The following HOXA3 variants were observed in gnomAD, a reference collection of about 807,000 sequenced individuals.
HOXA3 encodes the protein homeobox protein Hox-A3.
In HOXA3, 8 loss-of-function variants were observed where a neutral mutation model predicts 30.3. That is an observed-to-expected ratio of 0.26 (90% CI 0.15 to 0.48). HOXA3 has a LOEUF of 0.48. Ranked by LOEUF, HOXA3 falls within the 20% of genes least tolerant of loss-of-function variation. The pLI, the probability that HOXA3 is intolerant of heterozygous loss-of-function variation, is 0.99. For synonymous variants in HOXA3, 323 were observed against 273.1 expected (o/e 1.18, Z -1.80); for missense variants, 653 against 614.4 (o/e 1.06, Z -0.66).
In HOXA3 at chr7:27,110,119, G is replaced by T; in HGVS notation, c.522C>A (p.Ser174Arg). 1 of 1,614,210 alleles carries T rather than the reference G, an allele frequency of 6.2e-7. No individual in the cohort carries two copies. Among genetic ancestry groups the T allele is most frequent in the Non-Finnish European group, 8.5e-7 (1 of 1,180,042 alleles). ...TTCCAGAAGGCACTCCTTTACCTGA[G>T]CTGGAGCTGCTGGTTTTCTGCTTTG... The part of the protein sequence containing the change: ...QNTKQKTSSS[S>R]SGESCAGDKS... Residue 174 changes from serine to arginine, a missense_variant, in exon 5 of 6, where the codon AGC (serine) becomes AGA (arginine). Physicochemically the swap from Ser to Arg is moderately radical, Grantham distance 110. This residue lies in a region of HOXA3 where 320 missense variants were observed against 321.9 expected (regional missense o/e 0.99). Coordinates refer to ENST00000612286, the MANE Select transcript of HOXA3 (RefSeq NM_153631.3).
At chr7:27,127,989 TAAGAAC>T (rs1016898776) in intron 2 of HOXA3, among the ~76,000 whole-genome samples, 8 of 152,186 alleles carry the variant, frequency 5.3e-5, no homozygotes, top group African/African-American at 1.9e-4. Context: ...AAGAGGACCT[TAAGAAC>T]AGCCAGGAAA....
In HOXA3 at chr7:27,110,768, G is replaced by A. The variant is rs1273592663; in HGVS notation, c.-120-8C>T. ...TGGCCGCCCCGCGCAGACCTGGTGG[G>A]GCGAGAAGCGCAGCGCGGTGAGGGC... On this transcript the variant is annotated splice_polypyrimidine_tract_variant and splice_region_variant and intron_variant, in intron 4 of 5. Coordinates refer to ENST00000612286, the MANE Select transcript of HOXA3 (RefSeq NM_153631.3). The A allele has an allele frequency of 1.1e-5, 16 of 1,453,664 alleles. No individual in the cohort carries two copies. In the African/African-American group the frequency reaches 1.1e-4, roughly 10 times the overall value. The allele number at this position is 1,453,664 out of a possible 1,614,324, so 90.0% of individuals were successfully genotyped here. A position where few individuals can be genotyped will look rare whatever the true frequency, so the allele number is the denominator to read the frequency against.
At chr7:27,120,238 GA>G (rs1187501999) in intron 4 of HOXA3, among the ~76,000 whole-genome samples, 1 of 152,094 alleles carries the variant, frequency 6.6e-6, no homozygotes. Context: ...TCGAGCAAAT[GA>G]AAACTCTTAA....
intron 3 of HOXA3, among the ~76,000 whole-genome samples, chr7:27,124,863 G>A (rs1157828506): frequency 6.6e-6 from 1 of 152,164 alleles, no homozygotes; most frequent in Non-Finnish European, 1.5e-5. Context: ...AAATAGCAGG[G>A]CAAGCATGAC....
intron 2 of HOXA3, among the ~76,000 whole-genome samples, chr7:27,130,997 G>T (rs572506592): frequency 1.3e-5 from 2 of 152,096 alleles, no homozygotes; most frequent in Non-Finnish European, 2.9e-5. Flanking sequence ...GCGCGGACCC[G>T]GATCAGGAAA....
At chr7:27,133,845 T>C (rs1785635317) in intron 2 of HOXA3, among the ~76,000 whole-genome samples, 1 of 152,212 alleles carries the variant, frequency 6.6e-6, no homozygotes, top group Admixed American at 6.5e-5. Flanking sequence ...TTGACAGTCT[T>C]TGTTAAATCA....
At chr7:27,129,517 C>A (rs1249638829) in intron 2 of HOXA3, 15 of 1,614,068 alleles carry the variant, frequency 9.3e-6, no homozygotes, top group Non-Finnish European at 1.3e-5. Flanking sequence ...GACCTGCTGC[C>A]GGGTGTAGGC....
At chr7:27,144,164 T>A (rs1314526834) in intron 1 of HOXA3, among the ~76,000 whole-genome samples, 1 of 152,226 alleles carries the variant, frequency 6.6e-6, no homozygotes, top group Non-Finnish European at 1.5e-5. Context: ...CAGCCCCTCT[T>A]ATTTTTGTGT....
chr7:27,142,200 CT>C, intron 1 of HOXA3: 1 of 1,159,336 alleles, frequency 8.6e-7, no homozygotes, highest in South Asian at 1.6e-5. Flanking sequence ...CAAGTTCTGC[CT>C]ACCAGCCCGC....
intron 1 of HOXA3, chr7:27,150,236 C>G (rs767051253): frequency 1.3e-5 from 2 of 152,156 alleles, no homozygotes; most frequent in Non-Finnish European, 2.9e-5. Context: ...AAGGGCCTCT[C>G]CTGCGATGGT....
At position 27,145,809 on chromosome 7, in the gene HOXA3, C is replaced by T; in HGVS notation, c.-493-5623G>A. ...GAGCGCGTTGGCGATCTCGATGCGG[C>T]GGCGCCGTGTCAGGTAGCGGTTGAA... On this transcript the variant is annotated intron_variant, in intron 1 of 5. Coordinates refer to ENST00000612286, the MANE Select transcript of HOXA3 (RefSeq NM_153631.3). 7 of 1,614,240 alleles carry T rather than the reference C, an allele frequency of 4.3e-6. No individual in the cohort carries two copies. In the East Asian group the frequency reaches 6.7e-5, roughly 15 times the overall value.
intron 4 of HOXA3, chr7:27,121,852 A>T (rs1286423582): frequency 6.6e-6 from 1 of 152,658 alleles, no homozygotes; most frequent in Non-Finnish European, 1.5e-5. Context: ...CTGCATCCCA[A>T]ACTAAGAGGA....
Position 27,108,353 on chromosome 7 carries a change from G to T in HOXA3, c.894C>A (p.Ser298=). The change falls in exon 6 of 6, where the codon TCC becomes TCA. Residue 298 remains serine, a synonymous_variant. Coordinates refer to ENST00000612286, the MANE Select transcript of HOXA3 (RefSeq NM_153631.3). This position sits in a 1 kb window ranked among gnomAD's most constrained non-coding sequence, Gnocchi z 5.0. ...PYEPQSPPPF[S]KPPQGTYGLP... ...GCCCGTAGGTACCCTGGGGGGGCTT[G>T]GAGAAGGGCGGGGGCGACTGGGGCT... 1.3e-6 allele frequency: 2 copies of T among 1,525,570 alleles called. No individual in the cohort carries two copies. The highest frequency in any genetic ancestry group is 1.8e-6 in the Non-Finnish European group (2 of 1,123,040). The allele number at this position is 1,525,570 out of a possible 1,614,324, so 94.5% of individuals were successfully genotyped here. A position where few individuals can be genotyped will look rare whatever the true frequency, so the allele number is the denominator to read the frequency against.
At chr7:27,120,495 C>A (rs1016699375) in intron 4 of HOXA3, among the ~76,000 whole-genome samples, 1 of 143,300 alleles carries the variant, frequency 7.0e-6, no homozygotes, top group African/African-American at 2.6e-5. Context: ...GAGCTGAGAT[C>A]GTACCACTGC....
At chr7:27,149,214 A>G (rs1361502118) in intron 1 of HOXA3, among the ~76,000 whole-genome samples, 6 of 152,242 alleles carry the variant, frequency 3.9e-5, no homozygotes, top group South Asian at 2.1e-4. Context: ...TAGCAGCCCA[A>G]TGGCATTTTT....
intron 1 of HOXA3, among the ~76,000 whole-genome samples, chr7:27,143,956 CGG>C (rs1166350479): frequency 6.6e-6 from 1 of 152,192 alleles, no homozygotes. Flanking sequence ...AGCTTCCGAC[CGG>C]GGGCTGCAAG....
intron 2 of HOXA3, among the ~76,000 whole-genome samples, chr7:27,133,929 GA>G (rs1785639639): frequency 6.6e-6 from 1 of 152,158 alleles, no homozygotes; most frequent in Non-Finnish European, 1.5e-5. Context: ...CTCGGCCTTG[GA>G]CTTTGCGCTT....
intron 1 of HOXA3, chr7:27,146,003 AG>A (rs1252911555): frequency 6.8e-7 from 1 of 1,478,064 alleles, no homozygotes; most frequent in African/African-American, 1.4e-5. Flanking sequence ...AGAGGCACCC[AG>A]ACTAGAAACC....
At chr7:27,130,000 A>C in intron 2 of HOXA3, 1 of 1,219,618 alleles carries the variant, frequency 8.2e-7, no homozygotes, top group Non-Finnish European at 1.1e-6. Context: ...AGCCCGGGTC[A>C]GATGGGGGCT....
Sources: gnomAD v4.1 joint callset for allele counts (sites outside exome capture counted in the v4.1 genomes callset) on GRCh38, gnomAD v4.1.1 for gene constraint, gnomAD v4.1.1 regional missense constraint, Gnocchi (gnomAD v3.1) non-coding constraint, MANE v1.5 for transcripts, NCBI Gene and HGNC (gene_info 2026-07-23, HGNC 2026-07-21) for gene names.